Variants in PTPRS observed in about 807,000 individuals in gnomAD.
PTPRS encodes protein tyrosine phosphatase receptor type S.
Under a neutral mutation model 215.3 loss-of-function variants are expected in PTPRS, and 63 were observed. That is an observed-to-expected ratio of 0.29 (90% confidence interval 0.24 to 0.36). The LOEUF (loss-of-function observed/expected upper bound fraction) is 0.36. PTPRS is among the 10% of genes least tolerant of loss of function. PTPRS has a pLI of 1.00. For synonymous variants in PTPRS, 1,404 were observed against 1,191.4 expected, an observed-to-expected ratio of 1.18 and a Z score of -3.68; for missense variants, 2,258 against 2,825.8, an observed-to-expected ratio of 0.80 and a Z score of 4.56.
chr19:5,310,392 A>G (rs1436443454), intron 1 of PTPRS, among the ~76,000 whole-genome samples: 1 of 144,468 alleles, frequency 6.9e-6, no homozygotes, highest in Non-Finnish European at 1.5e-5. Flanking sequence ...ATCTCGGCTC[A>G]CTACAACCTC....
chr19:5,320,366 T>C (rs2049993632), intron 1 of PTPRS, among the ~76,000 whole-genome samples: 2 of 152,214 alleles, frequency 1.3e-5, no homozygotes, highest in South Asian at 4.1e-4. Flanking sequence ...TCCACTTGGC[T>C]TATCCGGCTC....
intron 9 of PTPRS, among the ~76,000 whole-genome samples, chr19:5,247,043 T>C (rs1002995542): frequency 7.0e-6 from 1 of 143,200 alleles, no homozygotes; most frequent in African/African-American, 2.6e-5. Flanking sequence ...GAGAGAAGAA[T>C]AGAAAATAGG....
At chr19:5,256,524 T>C (rs1032175161) in intron 8 of PTPRS, among the ~76,000 whole-genome samples, 2 of 151,844 alleles carry the variant, frequency 1.3e-5, no homozygotes, top group African/African-American at 4.8e-5. Context: ...TCTTGCACCC[T>C]CACTAAAGGC....
At chr19:5,219,513 T>C (rs779815805) in intron 22 of PTPRS, 46 bp from the exon 23 acceptor site, 2 of 1,516,488 alleles carry the variant, frequency 1.3e-6, no homozygotes, top group Admixed American at 4.3e-5. Flanking sequence ...ACCCTCCTTG[T>C]AGTGGCCAGA....
intron 7 of PTPRS, 22 bp downstream of exon 7, chr19:5,260,783 G>A (rs752894332): frequency 1.1e-5 from 17 of 1,613,520 alleles, no homozygotes; most frequent in Non-Finnish European, 1.3e-5. Context: ...GTGAGTGGGT[G>A]GGTGAGTGAG....
chr19:5,276,033 C>T (rs946634904), intron 2 of PTPRS, among the ~76,000 whole-genome samples: 1 of 152,172 alleles, frequency 6.6e-6, no homozygotes, highest in African/African-American at 2.4e-5. Flanking sequence ...CCCCATTTTA[C>T]ATGTGAGGAA....
At chr19:5,329,690 G>C (rs747720906) in intron 1 of PTPRS, among the ~76,000 whole-genome samples, 2 of 151,926 alleles carry the variant, frequency 1.3e-5, no homozygotes, top group Non-Finnish European at 2.9e-5. Context: ...GCGTGAACCC[G>C]GGAGGTGGAG....
intron 37 of PTPRS, 107 bp downstream of exon 37, chr19:5,207,815 C>T: frequency 6.6e-7 from 1 of 1,504,292 alleles, no homozygotes. Flanking sequence ...CCACAGTGAC[C>T]CAGAGAGTCC....
intron 16 of PTPRS, among the ~76,000 whole-genome samples, chr19:5,228,470 C>T (rs2042718410): frequency 6.6e-6 from 1 of 151,960 alleles, no homozygotes; most frequent in Non-Finnish European, 1.5e-5. Flanking sequence ...CTCAGCCTCC[C>T]GAGTAGCTGG....
At chr19:5,273,183 T>C (rs1350139724) in intron 4 of PTPRS, 2 of 522,692 alleles carry the variant, frequency 3.8e-6, no homozygotes, top group Non-Finnish European at 6.9e-6. Context: ...CAGCCTTTTG[T>C]CATCAGAAGC....
rs543597598 is a variant in PTPRS at position 5,233,669 on chromosome 19, C to T, written c.1850-2054G>A. The stretch of plus-strand genomic sequence containing the variant: ...TAATAGCATAAGAATCTCGGCCGGG[C>T]GCAGTGGCTCACTCCTGTAATCCCA... On this transcript the variant is annotated intron_variant, in intron 13 of 37. Coordinates refer to ENST00000262963, the MANE Select transcript of PTPRS (RefSeq NM_002850.4). Among the ~76,000 whole-genome samples the T allele has an allele frequency of 1.1e-3, 159 of 150,334 alleles. No individual in the cohort carries two copies. In the Middle Eastern group the frequency reaches 0.031, roughly 30 times the overall value.
intron 8 of PTPRS, among the ~76,000 whole-genome samples, chr19:5,256,790 C>A (rs1177001616): frequency 6.6e-6 from 1 of 152,034 alleles, no homozygotes. Context: ...AGACAAAATG[C>A]AAAACCCCAG....
chr19:5,329,345 T>A (rs906641219), intron 1 of PTPRS, among the ~76,000 whole-genome samples: 1 of 152,052 alleles, frequency 6.6e-6, no homozygotes, highest in Admixed American at 6.5e-5. Flanking sequence ...CAAAAACACA[T>A]CCTGGCCGAT....
chr19:5,238,846 G>A (rs930811217), intron 13 of PTPRS, 73 bp downstream of exon 13: 29 of 1,469,016 alleles, frequency 2.0e-5, no homozygotes, highest in Middle Eastern at 2.5e-4. Context: ...GCCTGGGTCC[G>A]TCTGCCGAGG....
chr19:5,265,298 C>A, intron 4 of PTPRS, 102 bp from the exon 5 acceptor site: 1 of 1,138,818 alleles, frequency 8.8e-7, no homozygotes. Context: ...TCCAGCTCCT[C>A]CCTGGCTGCG....
intron 13 of PTPRS, among the ~76,000 whole-genome samples, chr19:5,238,345 C>T (rs1157417245): frequency 6.6e-6 from 1 of 152,154 alleles, no homozygotes; most frequent in Non-Finnish European, 1.5e-5. Context: ...TGCATGCCCC[C>T]ACGAAACCTG....
intron 1 of PTPRS, among the ~76,000 whole-genome samples, chr19:5,318,746 G>A (rs2049946454): frequency 6.6e-6 from 1 of 152,138 alleles, no homozygotes; most frequent in Non-Finnish European, 1.5e-5. Context: ...TCAAACTCCT[G>A]GGCTCAAGTG....
At chr19:5,282,156 C>T (rs996302540) in intron 2 of PTPRS, among the ~76,000 whole-genome samples, 4 of 151,996 alleles carry the variant, frequency 2.6e-5, no homozygotes, top group Admixed American at 6.6e-5. Context: ...CTTGAGAAAA[C>T]GGAGCTCCCA....
Position 5,222,922 on chromosome 19 carries a change from T to C in PTPRS, c.2870A>G (p.Glu957Gly). 1 of 1,563,406 alleles carries C rather than the reference T, an allele frequency of 6.4e-7. No individual in the cohort carries two copies. The highest frequency in any genetic ancestry group is 8.6e-7 in the Non-Finnish European group (1 of 1,162,078). Residue 957 changes from glutamate to glycine, a missense_variant, in exon 18 of 38, where the codon GAG (glutamate) becomes GGG (glycine). Glu to Gly is a moderately conservative substitution (Grantham distance 98). Transcript: ENST00000262963. ...GTATTTGACGATGGCCCCGTTGCGCTCGGCGGGCACGGGTGGCAGCCAGCG... is the reference window on the plus strand; with the variant it reads ...GTATTTGACGATGGCCCCGTTGCGCCCGGCGGGCACGGGTGGCAGCCAGCG... ...LLRWLPPVPA[E>G]RNGAIVKYTV...
Sources: gnomAD v4.1 joint callset for allele counts (sites outside exome capture counted in the v4.1 genomes callset) on GRCh38, gnomAD v4.1.1 for gene constraint, MANE v1.5 for transcripts, NCBI Gene and HGNC (gene_info 2026-07-23, HGNC 2026-07-21) for gene names.